LRAT: variants seen among roughly 807,000 people sequenced by gnomAD.
LRAT encodes the protein lecithin retinol acyltransferase (phosphatidylcholine--retinol O-acyltransferase).
In LRAT, 11 loss-of-function variants were observed where a neutral mutation model predicts 14.2. The ratio of observed to expected loss-of-function variants is 0.78; its 90% CI spans 0.49 to 1.29. The LOEUF is 1.29. Ranked by LOEUF, LRAT falls within the 50% of genes most tolerant of loss-of-function variation. The pLI is 0.00. For missense variants in LRAT, 274 were observed against 292.4 expected (o/e 0.94, Z 0.46); for synonymous variants, 144 against 124.8 (o/e 1.15, Z -1.03).
chr4:154,751,129 T>C lies in LRAT; in HGVS notation c.*1993T>C, dbSNP rs1240326823. On this transcript the variant is annotated 3_prime_UTR_variant, in exon 3 of 3. Transcript: ENST00000336356. ...ATTATTATTCGTAAACTAGCTATAA[T>C]AGAGTATATACAGTGCTGTGGGAAT... 1.3e-5 allele frequency: 2 copies of C among 152,176 alleles called. No individual in the cohort carries two copies. The highest frequency in any genetic ancestry group is 2.9e-5 in the Non-Finnish European group (2 of 68,026). The allele number at this position is 152,176 out of a possible 1,614,324, so 9.4% of individuals were successfully genotyped here. A position where few individuals can be genotyped will look rare whatever the true frequency, so the allele number is the denominator to read the frequency against.
In LRAT at chr4:154,744,751, C is replaced by G. The variant is rs1289370310; in HGVS notation, c.425C>G (p.Ala142Gly). Residue 142 changes from alanine to glycine, a missense_variant, in exon 2 of 3, where the codon GCG becomes GGG. By Grantham distance (60) the Ala-to-Gly change is moderately conservative (BLOSUM62 0). Transcript: ENST00000336356. ...QKKALLNEEVARRAEKLLGFT... is the reference protein window; with the variant it reads ...QKKALLNEEVGRRAEKLLGFT... ...AAGGCACTGCTCAACGAGGAGGTGG[C>G]GCGGAGGGCTGAAAAGCTGCTGGGC... 4 of 1,614,024 alleles carry G rather than the reference C, an allele frequency of 2.5e-6. No individual in the cohort carries two copies. The Admixed American group carries it at 6.7e-5, about 27-fold the overall frequency.
chr4:154,741,917 C>T (rs889698558), upstream of LRAT, among the ~76,000 whole-genome samples: 1 of 152,198 alleles, frequency 6.6e-6, no homozygotes, highest in Admixed American at 6.5e-5. Flanking sequence ...TATAAGCCGC[C>T]TTAGTGACCA....
chr4:154,747,600 C>A (rs1732906812), intron 2 of LRAT, among the ~76,000 whole-genome samples: 7 of 152,014 alleles, frequency 4.6e-5, no homozygotes, highest in Admixed American at 4.6e-4. Flanking sequence ...GAAAAATCTG[C>A]TTTTGTGGGA....
At chr4:154,746,276 G>GT (rs1732883963) in intron 2 of LRAT, among the ~76,000 whole-genome samples, 1 of 151,990 alleles carries the variant, frequency 6.6e-6, no homozygotes, top group Admixed American at 6.6e-5. Context: ...AGCTAAGTCA[G>GT]TTTTTTTCAT....
rs1732973881 is a variant in LRAT at position 154,750,757 on chromosome 4, T to G, written c.*1621T>G. 1 of 152,190 alleles carries G rather than the reference T, an allele frequency of 6.6e-6. No individual in the cohort carries two copies. The highest frequency in any genetic ancestry group is 1.5e-5 in the Non-Finnish European group (1 of 68,018). The allele number at this position is 152,190 out of a possible 1,614,324, so 9.4% of individuals were successfully genotyped here. A position where few individuals can be genotyped will look rare whatever the true frequency, so the allele number is the denominator to read the frequency against. On this transcript the variant is annotated 3_prime_UTR_variant, in exon 3 of 3. Coordinates refer to ENST00000336356, the MANE Select transcript of LRAT (RefSeq NM_004744.5). The stretch of plus-strand genomic sequence containing the variant: ...TAAAATTATCTTAAGTATGCATACA[T>G]AAAAGCAACCACTATGAGAACTACC...
Position 154,749,450 on chromosome 4 carries a change from C to G in LRAT, c.*314C>G. The G allele has an allele frequency of 5.8e-6, 2 of 342,896 alleles. No individual in the cohort carries two copies. The highest frequency in any genetic ancestry group is 4.3e-5 in the Admixed American group (1 of 23,094). The allele number at this position is 342,896 out of a possible 1,614,324, so 21.2% of individuals were successfully genotyped here. A position where few individuals can be genotyped will look rare whatever the true frequency, so the allele number is the denominator to read the frequency against. On this transcript the variant is annotated 3_prime_UTR_variant, in exon 3 of 3. Transcript: ENST00000336356. ...CAAGAGATTAATTGTGTTTTTTTTT[C>G]TCCTGTAATCCTTGTACTGTTCGGC...
chr4:154,744,967 A>T (rs1368130837), intron 2 of LRAT, 101 bp downstream of exon 2: 11 of 858,224 alleles, frequency 1.3e-5, no homozygotes, highest in Non-Finnish European at 2.0e-5. Flanking sequence ...ATTCCTGGAC[A>T]CCTCCCCTAC....
intron 2 of LRAT, 71 bp downstream of exon 2, chr4:154,744,937 T>C: frequency 6.8e-7 from 1 of 1,467,576 alleles, no homozygotes; most frequent in Non-Finnish European, 9.4e-7. Context: ...CCTTTTCTCT[T>C]CCCCGCGAGT....
In LRAT at chr4:154,749,429, A is replaced by T; in HGVS notation, c.*293A>T. The T allele has an allele frequency of 2.6e-6, 1 of 385,234 alleles. No homozygotes were observed. Among genetic ancestry groups the T allele is most frequent in the Non-Finnish European group, 4.8e-6 (1 of 207,376 alleles). The allele number at this position is 385,234 out of a possible 1,614,324, so 23.9% of individuals were successfully genotyped here. A position where few individuals can be genotyped will look rare whatever the true frequency, so the allele number is the denominator to read the frequency against. ...CAGCCCCTAAAATGATAGCCACAAG[A>T]GATTAATTGTGTTTTTTTTTCTCCT... On this transcript the variant is annotated 3_prime_UTR_variant, in exon 3 of 3. Transcript: ENST00000336356.
chr4:154,748,287 A>G (rs1006556365), intron 2 of LRAT: 5 of 982,454 alleles, frequency 5.1e-6, no homozygotes, highest in African/African-American at 1.7e-5. Context: ...GACATAGCCA[A>G]TAAGAGCTGG....
chr4:154,744,802 A>G lies in LRAT; in HGVS notation c.476A>G (p.Asn159Ser), dbSNP rs202066076. 30 of 1,613,910 alleles carry G rather than the reference A, an allele frequency of 1.9e-5. No homozygotes were observed. Among genetic ancestry groups the G allele is most frequent in the Non-Finnish European group, 2.5e-5 (29 of 1,180,042 alleles). Residue 159 changes from asparagine to serine, a missense_variant, in exon 2 of 3, where the codon AAC (asparagine) becomes AGC (serine). Transcript: ENST00000336356. ...LGFTPYSLLW[N>S]NCEHFVTYCR... ...TTTACCCCCTACAGCCTGCTGTGGAACAACTGCGAGCACTTCGTGACCTAC... is the reference window on the plus strand; with the variant it reads ...TTTACCCCCTACAGCCTGCTGTGGAGCAACTGCGAGCACTTCGTGACCTAC...
upstream of LRAT, among the ~76,000 whole-genome samples, chr4:154,741,326 G>C (rs1200122089): frequency 1.3e-5 from 2 of 152,154 alleles, no homozygotes; most frequent in Non-Finnish European, 2.9e-5. Context: ...TCAGAAACAA[G>C]GCAAATGAAG....
chr4:154,742,355 A>C (rs184466202), upstream of LRAT, among the ~76,000 whole-genome samples: 1 of 152,138 alleles, frequency 6.6e-6, no homozygotes, highest in Admixed American at 6.5e-5. Flanking sequence ...GAATGAACAA[A>C]AGTCACCGGC....
chr4:154,748,129 G>A (rs963039613), intron 2 of LRAT: 22 of 648,580 alleles, frequency 3.4e-5, no homozygotes, highest in Non-Finnish European at 4.2e-5. Context: ...ATATGGTAGA[G>A]ATAACTGTCA....
At chr4:154,743,865 C>T (rs1028357359), upstream of LRAT, 1 of 142,622 alleles carries the variant, frequency 7.0e-6, no homozygotes, top group African/African-American at 2.6e-5. Flanking sequence ...CCCAAAGAAA[C>T]CGGGATCCCG....
rs191450241 is a variant in LRAT, at chr4:154,748,893, A to G, written c.541-91A>G. On this transcript the variant is annotated intron_variant, in intron 2 of 2. Coordinates refer to ENST00000336356, the MANE Select transcript of LRAT (RefSeq NM_004744.5). ...AGTCTAGTTCTTCTGGTAGACAGAAAATAGCTGGGAAAACTGATTTACTGT... is the reference window on the plus strand; with the variant it reads ...AGTCTAGTTCTTCTGGTAGACAGAAGATAGCTGGGAAAACTGATTTACTGT... 36 of 1,271,340 alleles carry G rather than the reference A, an allele frequency of 2.8e-5. No homozygotes were observed. The African/African-American group carries it at 4.5e-4, about 16-fold the overall frequency. The allele number at this position is 1,271,340 out of a possible 1,614,324, so 78.8% of individuals were successfully genotyped here.
At position 154,750,683 on chromosome 4, in the gene LRAT, A is replaced by T. The variant is rs892377073; in HGVS notation, c.*1547A>T. ...GTATTTTAAATAATTAAAACATTAA[A>T]TGGCAACACCATAGAATATAGGTGT... On this transcript the variant is annotated 3_prime_UTR_variant, in exon 3 of 3. Transcript: ENST00000336356. 1.3e-5 allele frequency: 2 copies of T among 152,154 alleles called. No individual in the cohort carries two copies. The highest frequency in any genetic ancestry group is 1.3e-4 in the Admixed American group (2 of 15,278). The allele number at this position is 152,154 out of a possible 1,614,324, so 9.4% of individuals were successfully genotyped here.
chr4:154,747,488 C>T (rs1017616178), intron 2 of LRAT, among the ~76,000 whole-genome samples: 1 of 152,032 alleles, frequency 6.6e-6, no homozygotes, highest in Non-Finnish European at 1.5e-5. Context: ...GACTTATTGA[C>T]CCCTTCTAGA....
At position 154,749,723 on chromosome 4, in the gene LRAT, A is replaced by G. The variant is rs1054125317; in HGVS notation, c.*587A>G. 7 of 152,504 alleles carry G rather than the reference A, an allele frequency of 4.6e-5. No individual in the cohort carries two copies. The highest frequency in any genetic ancestry group is 1.7e-4 in the African/African-American group (7 of 41,454). The allele number at this position is 152,504 out of a possible 1,614,324, so 9.4% of individuals were successfully genotyped here. A position where few individuals can be genotyped will look rare whatever the true frequency, so the allele number is the denominator to read the frequency against. ...TTGGCAAATAGTACTTTAATGATGA[A>G]GTAAATGACCAGAAATTATAGAAAT... On this transcript the variant is annotated 3_prime_UTR_variant, in exon 3 of 3. Coordinates refer to ENST00000336356, the MANE Select transcript of LRAT (RefSeq NM_004744.5).
Sources: gnomAD v4.1 joint callset for allele counts (sites outside exome capture counted in the v4.1 genomes callset) on GRCh38, gnomAD v4.1.1 for gene constraint, MANE v1.5 for transcripts, NCBI Gene and HGNC (gene_info 2026-07-23, HGNC 2026-07-21) for gene names.